STK32B: variants seen among roughly 807,000 people sequenced by gnomAD.
STK32B encodes serine/threonine kinase 32B.
A neutral mutation model predicts 52.6 loss-of-function variants in STK32B; 43 were observed. That is an observed-to-expected ratio of 0.82 (90% CI 0.64 to 1.05). STK32B has a LOEUF of 1.05. Among genes scored for constraint, STK32B ranks in the 50% least tolerant of loss-of-function variants. STK32B has a pLI of 0.00. For missense variants in STK32B, 621 were observed against 534.6 expected, an observed-to-expected ratio of 1.16 and a Z score of -1.59; for synonymous variants, 238 against 204.3, an observed-to-expected ratio of 1.17 and a Z score of -1.41.
At chr4:5,113,398 T>G (rs1714516142) in intron 1 of STK32B, among the ~76,000 whole-genome samples, 1 of 152,306 alleles carries the variant, frequency 6.6e-6, no homozygotes, top group Admixed American at 6.5e-5. Context: ...TATTTTGTTA[T>G]AGCAGTGCAA....
rs747366566 is a variant in STK32B at position 5,499,008 on chromosome 4, G to A, written c.1170G>A (p.Gln390=). 1.2e-4 allele frequency: 186 copies of A among 1,613,704 alleles called. No individual in the cohort carries two copies. The highest frequency in any genetic ancestry group is 4.7e-4 in the Admixed American group (28 of 59,980). ...LLDTDSRGGG[Q]AQSKLQDGCN... ...ACACCGACAGCCGAGGGGGAGGCCA[G>A]GCCCAAAGCAAGCTCCAGGACGGGT... Residue 390 remains glutamine (Q), a synonymous_variant, in exon 12 of 12, where the codon CAG becomes CAA. Transcript: ENST00000282908.
chr4:5,020,026 C>A, the STK32B span, among the ~76,000 whole-genome samples: 10 of 152,094 alleles, frequency 6.6e-5, no homozygotes, highest in South Asian at 2.1e-4. Context: ...GGGCCCCCAG[C>A]CTCTCAGAAG....
intron 4 of STK32B, among the ~76,000 whole-genome samples, chr4:5,397,459 G>A (rs539284427): frequency 1.3e-5 from 2 of 152,258 alleles, no homozygotes; most frequent in South Asian, 2.1e-4. Flanking sequence ...GAATTGAGAG[G>A]CCTTTTGCTA....
In STK32B at chr4:5,317,244, T is replaced by TATATATAACATATAACATATAACA. The variant is rs1560313452; in HGVS notation, c.261-13976_261-13975insATATATAACATATAACATATAACA. ...ATATATTATATATAACATATATATATTATATATAACATATAACATATATAT... is the reference window on the plus strand; with the variant it reads ...ATATATTATATATAACATATATATATATATATAACATATAACATATAACATATATATAACATATAACATATATAT... On this transcript the variant is annotated intron_variant, in intron 3 of 11. Transcript: ENST00000282908. Among the ~76,000 whole-genome samples, 12 of 47,964 alleles carry TATATATAACATATAACATATAACA rather than the reference T, an allele frequency of 2.5e-4. 3 individuals carry two copies. In the African/African-American group the frequency reaches 2.9e-3, roughly 12 times the overall value. The allele number at this position is 47,964 out of a possible 152,430, so 31.5% of individuals were successfully genotyped here.
intron 11 of STK32B, among the ~76,000 whole-genome samples, chr4:5,477,056 GCCA>G (rs1260774564): frequency 6.6e-6 from 1 of 152,134 alleles, no homozygotes; most frequent in African/African-American, 2.4e-5. Flanking sequence ...TTGTTTTTAA[GCCA>G]CCAAGTTTGC....
rs1742103869 is a variant in STK32B at position 5,058,766 on chromosome 4, T to C, written c.52+6851T>C. On this transcript the variant is annotated intron_variant, in intron 1 of 11. Coordinates refer to ENST00000282908, the MANE Select transcript of STK32B (RefSeq NM_018401.3). The surrounding 1 kb of genome is among the most constrained non-coding windows in gnomAD (Gnocchi z 4.8). ...TTATTTATTTTACTTATTTATTTTT[T>C]GATATAGAATCTCTCTCTCTGTCTC... Among the ~76,000 whole-genome samples the C allele has an allele frequency of 6.6e-6, 1 of 152,126 alleles. No homozygotes were observed. The highest frequency in any genetic ancestry group is 2.4e-5 in the African/African-American group (1 of 41,430).
At chr4:5,339,603 C>T (rs76707917) in intron 4 of STK32B, among the ~76,000 whole-genome samples, 7,220 of 152,224 alleles carry the variant, frequency 0.047, 228 homozygotes, top group South Asian at 0.075. Flanking sequence ...TTTATACCCT[C>T]AGATGAGTGT....
chr4:5,336,668 T>C (rs1235614923), intron 4 of STK32B, among the ~76,000 whole-genome samples: 2 of 152,176 alleles, frequency 1.3e-5, no homozygotes, highest in African/African-American at 4.8e-5. Context: ...TTTATACTTT[T>C]CTGTAAAGTA....
chr4:5,072,324 C>T (rs1020143620), intron 1 of STK32B, among the ~76,000 whole-genome samples: 1 of 152,106 alleles, frequency 6.6e-6, no homozygotes, highest in Non-Finnish European at 1.5e-5. Flanking sequence ...CAATTGCACT[C>T]CTGCTTCTCT....
At chr4:5,317,513 ATATAT>A (rs1249783788) in intron 3 of STK32B, among the ~76,000 whole-genome samples, 2 of 85,286 alleles carry the variant, frequency 2.3e-5, no homozygotes, top group South Asian at 2.9e-4. Context: ...TATATGTATA[ATATAT>A]TTATTATATA....
At chr4:5,248,931 G>A (rs188868598) in intron 3 of STK32B, among the ~76,000 whole-genome samples, 14 of 148,904 alleles carry the variant, frequency 9.4e-5, no homozygotes, top group Non-Finnish European at 1.5e-4. Flanking sequence ...GTTGTGGGGT[G>A]GGGGGAGAGG....
chr4:5,253,543 G>A (rs1023843928), intron 3 of STK32B, among the ~76,000 whole-genome samples: 1 of 151,908 alleles, frequency 6.6e-6, no homozygotes, highest in South Asian at 2.1e-4. Flanking sequence ...GCCCAGCCAA[G>A]TTTTGTATTT....
intron 6 of STK32B, among the ~76,000 whole-genome samples, chr4:5,443,392 G>T (rs566475779): frequency 5.6e-4 from 85 of 151,690 alleles, no homozygotes; most frequent in Admixed American, 1.5e-3. Flanking sequence ...CCAGTTGATC[G>T]CATCGGCTCC....
chr4:5,494,716 G>C (rs1720065323), intron 11 of STK32B, among the ~76,000 whole-genome samples: 1 of 152,180 alleles, frequency 6.6e-6, no homozygotes, highest in South Asian at 2.1e-4. Context: ...GCTGCTACCA[G>C]TTGTTCCTTT....
chr4:5,371,181 TGG>T (rs1370688274), intron 4 of STK32B, among the ~76,000 whole-genome samples: 1 of 152,048 alleles, frequency 6.6e-6, no homozygotes, highest in African/African-American at 2.4e-5. Context: ...CAAAGACAGC[TGG>T]GATTACAGCC....
chr4:5,183,410 G>A (rs757150918), intron 3 of STK32B, among the ~76,000 whole-genome samples: 56 of 152,004 alleles, frequency 3.7e-4, no homozygotes, highest in Non-Finnish European at 6.6e-4. Flanking sequence ...TGAGGAAGCA[G>A]GGGTTGCAGT....
At chr4:5,185,743 G>C (rs1720690921) in intron 3 of STK32B, among the ~76,000 whole-genome samples, 3 of 152,196 alleles carry the variant, frequency 2.0e-5, no homozygotes, top group South Asian at 4.1e-4. Context: ...TCACAGGACA[G>C]GTCTTATCAA....
At chr4:5,241,622 A>G (rs1349766791) in intron 3 of STK32B, among the ~76,000 whole-genome samples, 1 of 151,926 alleles carries the variant, frequency 6.6e-6, no homozygotes, top group East Asian at 1.9e-4. Context: ...CATGTGCACA[A>G]CATGCAGGTT....
chr4:5,278,668 T>C (rs183569771), intron 3 of STK32B, among the ~76,000 whole-genome samples: 49 of 152,268 alleles, frequency 3.2e-4, no homozygotes, highest in Admixed American at 2.9e-3. Context: ...CAGAGAGTTA[T>C]GGTATTAGTC....
Sources: gnomAD v4.1 joint callset for allele counts (sites outside exome capture counted in the v4.1 genomes callset) on GRCh38, gnomAD v4.1.1 for gene constraint, Gnocchi (gnomAD v3.1) non-coding constraint, MANE v1.5 for transcripts, NCBI Gene and HGNC (gene_info 2026-07-23, HGNC 2026-07-21) for gene names.